The following HAUS8 variants were observed in gnomAD, a reference collection of about 807,000 sequenced individuals.
The protein encoded by HAUS8 is HAUS augmin like complex subunit 8, also known as HAUS augmin-like complex subunit 8.
Under a neutral mutation model 42.9 loss-of-function variants are expected in HAUS8, and 38 were observed. That is an observed-to-expected ratio of 0.89 (90% CI 0.68 to 1.16). HAUS8 has a LOEUF of 1.16. Ranked by LOEUF, HAUS8 falls within the 50% of genes most tolerant of loss-of-function variation. The probability of loss-of-function intolerance (pLI) is 0.00; values close to 1 mark genes in which losing one functional copy is unlikely to be tolerated. For synonymous variants in HAUS8, 199 were observed against 205.8 expected, an observed-to-expected ratio of 0.97 and a Z score of 0.28; for missense variants, 494 against 511.6, an observed-to-expected ratio of 0.97 and a Z score of 0.33.
chr19:17,056,073 G>A, intron 8 of HAUS8, 71 bp from the exon 9 acceptor site: 1 of 1,448,540 alleles, frequency 6.9e-7, no homozygotes, highest in Non-Finnish European at 9.6e-7. Flanking sequence ...AAGCTTAACG[G>A]CTTGTGCAGG....
At chr19:17,067,501 C>A (rs1240561140) in intron 3 of HAUS8, among the ~76,000 whole-genome samples, 4 of 152,010 alleles carry the variant, frequency 2.6e-5, no homozygotes, top group Middle Eastern at 6.8e-3. Context: ...ACAGGCAAGA[C>A]CCTATGCTGA....
chr19:17,051,706 T>C (rs1282729428), intron 10 of HAUS8: 2 of 144,084 alleles, frequency 1.4e-5, no homozygotes, highest in Non-Finnish European at 1.5e-5. Flanking sequence ...CTCACTCTAC[T>C]GCTCAGGTTG....
Position 17,065,972 on chromosome 19 carries a change from TA to T in HAUS8, c.147+3058del, listed in dbSNP as rs61226830. Among the ~76,000 whole-genome samples the T allele has an allele frequency of 7.8e-3, 1,094 of 140,286 alleles. 13 individuals are homozygous for T. Among genetic ancestry groups the T allele is most frequent in the African/African-American group, 0.023 (891 of 38,020 alleles). 92.0% of individuals were successfully genotyped at this position (140,286 alleles called of 152,430 possible). A position where few individuals can be genotyped will look rare whatever the true frequency, so the allele number is the denominator to read the frequency against. ...CTCACTCTACACATCTCTTATCTTC[TA>T]AAAAAAAAAAAAAGAGACAGGATCT... On this transcript the variant is annotated intron_variant, in intron 3 of 10. Coordinates refer to ENST00000253669, the MANE Select transcript of HAUS8 (RefSeq NM_033417.2).
rs369498433 is a variant in HAUS8 at position 17,062,751 on chromosome 19, C to G, written c.176G>C (p.Arg59Pro). 10 of 1,613,980 alleles carry G rather than the reference C, an allele frequency of 6.2e-6. No individual in the cohort carries two copies. Among genetic ancestry groups the G allele is most frequent in the Non-Finnish European group, 8.5e-6 (10 of 1,179,966 alleles). ...KAPAGDGSQT[R>P]GKMSEGGRKS... is the part of the protein sequence containing the mutation. ...CCTTCCACCTTCAGACATCTTCCCT[C>G]GGGTCTGTGACCCATCTCCTGCAGG... Residue 59 changes from arginine to proline, a missense_variant, in exon 4 of 11, where the codon CGA becomes CCA. By Grantham distance (103) the Arg-to-Pro change is moderately radical. Transcript: ENST00000253669.
At position 17,072,338 on chromosome 19, in the gene HAUS8, C is replaced by CTTT. The variant is rs71180355; in HGVS notation, c.91+933_91+935dup. ...ATCTACCATGCAAGCCGAGCATTTC[C>CTTT]TTTTTTTTTTTTTTTTTTTTTTTGA... On this transcript the variant is annotated intron_variant, in intron 2 of 10. Coordinates refer to ENST00000253669, the MANE Select transcript of HAUS8 (RefSeq NM_033417.2). 5.5e-3 allele frequency among the ~76,000 whole-genome samples: 484 copies of CTTT among 87,450 alleles called. 3 individuals carry two copies. Among genetic ancestry groups the CTTT allele is most frequent in the African/African-American group, 7.1e-3 (142 of 20,134 alleles). 57.4% of individuals were successfully genotyped at this position (87,450 alleles called of 152,430 possible).
chr19:17,067,783 G>A (rs1478874274), intron 3 of HAUS8, among the ~76,000 whole-genome samples: 1 of 152,178 alleles, frequency 6.6e-6, no homozygotes, highest in Non-Finnish European at 1.5e-5. Context: ...GCCACCCAGA[G>A]TGGAAGACAG....
At chr19:17,060,982 G>A (rs1027170806) in intron 4 of HAUS8, among the ~76,000 whole-genome samples, 4 of 152,214 alleles carry the variant, frequency 2.6e-5, no homozygotes, top group Non-Finnish European at 5.9e-5. Context: ...GAAATGAAAA[G>A]AGGAAGGTCA....
At chr19:17,067,066 G>C (rs965555197) in intron 3 of HAUS8, among the ~76,000 whole-genome samples, 2 of 152,050 alleles carry the variant, frequency 1.3e-5, no homozygotes, top group African/African-American at 2.4e-5. Flanking sequence ...TTAGCCAGGT[G>C]GGGTGGCACA....
In HAUS8 at chr19:17,049,890, C is replaced by T; in HGVS notation, c.1216G>A (p.Gly406Arg). The T allele has an allele frequency of 6.7e-7, 1 of 1,497,252 alleles. No homozygotes were observed. The highest frequency in any genetic ancestry group is 8.9e-7 in the Non-Finnish European group (1 of 1,122,374). The allele number at this position is 1,497,252 out of a possible 1,614,324, so 92.7% of individuals were successfully genotyped here. Reference sequence around the variant, plus strand: ...ACCATGAGTCATGACAAGTCCCTCCCTGAACGAGAGAGAGAGGGCGGGACT... The same window carrying T: ...ACCATGAGTCATGACAAGTCCCTCCTTGAACGAGAGAGAGAGGGCGGGACT... ...AEVPPSLSRS[G>R]RDLS Residue 406 changes from glycine to arginine, a missense_variant, in exon 11 of 11, where the codon GGG becomes AGG. Gly to Arg is a moderately radical substitution (Grantham distance 125, BLOSUM62 -2). Transcript: ENST00000253669.
intron 10 of HAUS8, among the ~76,000 whole-genome samples, chr19:17,051,340 C>T (rs148586248): frequency 1.2e-3 from 179 of 150,714 alleles, no homozygotes; most frequent in African/African-American, 4.2e-3. Flanking sequence ...AGATACTCTA[C>T]TGGAAGAGGT....
chr19:17,055,142 AAATATATATATATATATATATATATAT>A (rs2057315318), intron 9 of HAUS8: 1 of 13,298 alleles, frequency 7.5e-5, no homozygotes, highest in Non-Finnish European at 1.4e-4. Context: ...AAAAAAAAAA[AAATATATATATATATATATATATATAT>A]ATATATATAT....
At chr19:17,055,146 ATATATATAT>A (rs2057316083) in intron 9 of HAUS8, 9 of 3,990 alleles carry the variant, frequency 2.3e-3, no homozygotes, top group Non-Finnish European at 3.2e-3. Flanking sequence ...AAAAAAAAAT[ATATATATAT>A]ATATATATAT....
Position 17,055,971 on chromosome 19 carries a change from G to A in HAUS8, c.677C>T (p.Ala226Val). ...IEMLSPFEAV[A>V]TRFKEQYRTF... The stretch of plus-strand genomic sequence containing the variant: ...CCTGTATTGCTCCTTGAAGCGTGTG[G>A]CCACTGCCTCGAAGGGGCTGAGCAT... The change falls in exon 9 of 11, where the codon GCC (alanine) becomes GTC (valine). Residue 226 changes from alanine to valine, a missense_variant. Ala to Val is a moderately conservative substitution (Grantham distance 64). Coordinates refer to ENST00000253669, the MANE Select transcript of HAUS8 (RefSeq NM_033417.2). The A allele has an allele frequency of 6.2e-7, 1 of 1,614,172 alleles. No individual in the cohort carries two copies.
Position 17,059,663 on chromosome 19 carries a change from C to T in HAUS8, c.326-12G>A, listed in dbSNP as rs772151457. The T allele has an allele frequency of 1.0e-5, 16 of 1,599,454 alleles. No individual in the cohort carries two copies. In the South Asian group the frequency reaches 1.7e-4, roughly 17 times the overall value. On this transcript the variant is annotated splice_polypyrimidine_tract_variant and intron_variant, in intron 5 of 10. Coordinates refer to ENST00000253669, the MANE Select transcript of HAUS8 (RefSeq NM_033417.2). ...GACGATGCTTTTGTCTAAGATAAAGCACAGCATTTTTAATGGCAAGTAGCG... is the reference window on the plus strand; with the variant it reads ...GACGATGCTTTTGTCTAAGATAAAGTACAGCATTTTTAATGGCAAGTAGCG...
At chr19:17,075,329 C>T in intron 1 of HAUS8, 65 bp downstream of exon 1, 3 of 1,583,132 alleles carry the variant, frequency 1.9e-6, no homozygotes, top group Non-Finnish European at 2.6e-6. Flanking sequence ...CTCCCCACCT[C>T]CGCTGCCCAT....
At chr19:17,072,848 G>T (rs2057436389) in intron 2 of HAUS8, among the ~76,000 whole-genome samples, 1 of 148,970 alleles carries the variant, frequency 6.7e-6, no homozygotes, top group African/African-American at 2.5e-5. Flanking sequence ...GGGGGCAGTG[G>T]TTAATGCCTG....
At chr19:17,073,251 A>C in intron 2 of HAUS8, 23 bp downstream of exon 2, 1 of 1,601,146 alleles carries the variant, frequency 6.2e-7, no homozygotes, top group Non-Finnish European at 8.6e-7. Context: ...CATGTTCCTT[A>C]AAGAGATCCT....
chr19:17,066,124 T>G (rs1412450078), intron 3 of HAUS8, among the ~76,000 whole-genome samples: 1 of 152,074 alleles, frequency 6.6e-6, no homozygotes, highest in Non-Finnish European at 1.5e-5. Flanking sequence ...CACAGCTATT[T>G]TTATTTTTTT....
chr19:17,064,201 T>C (rs139202759), intron 3 of HAUS8, among the ~76,000 whole-genome samples: 79 of 152,362 alleles, frequency 5.2e-4, no homozygotes, highest in African/African-American at 1.8e-3. Context: ...GTGTAAGATC[T>C]ATAATCTGGA....
Sources: allele counts gnomAD v4.1 joint callset (sites outside exome capture counted in the v4.1 genomes callset), GRCh38; gene constraint gnomAD v4.1.1; transcripts MANE v1.5; gene names NCBI Gene and HGNC (gene_info 2026-07-23, HGNC 2026-07-21).